Variants in ACCSL observed in about 807,000 individuals in gnomAD.
ACCSL encodes the protein probable inactive 1-aminocyclopropane-1-carboxylate synthase-like protein 2.
A neutral mutation model predicts 61.7 loss-of-function variants in ACCSL; 55 were observed. The ratio of observed to expected loss-of-function variants is 0.89; its 90% CI spans 0.72 to 1.12. The LOEUF is 1.12. ACCSL is among the 50% of genes most tolerant of loss of function. The probability of loss-of-function intolerance (pLI) is 0.00; values close to 1 mark genes in which losing one functional copy is unlikely to be tolerated. For synonymous variants in ACCSL, 258 were observed against 264.3 expected, an observed-to-expected ratio of 0.98 and a Z score of 0.23; for missense variants, 632 against 698.0, an observed-to-expected ratio of 0.91 and a Z score of 1.07.
At chr11:43,999,841 C>A in the ACCSL span, among the ~76,000 whole-genome samples, 1 of 126,732 alleles carries the variant, frequency 7.9e-6, no homozygotes, top group African/African-American at 2.8e-5. Flanking sequence ...ATCCACAGAT[C>A]AAAAATATTC....
At chr11:44,014,667 A>G in the ACCSL span, among the ~76,000 whole-genome samples, 127,030 of 152,130 alleles carry the variant, frequency 0.84, 53,142 homozygotes, top group Middle Eastern at 0.87. Flanking sequence ...AGGGGATCGT[A>G]GGGTCCATCT....
the ACCSL span, among the ~76,000 whole-genome samples, chr11:43,984,440 G>A: frequency 6.6e-6 from 1 of 152,158 alleles, no homozygotes; most frequent in Non-Finnish European, 1.5e-5. Context: ...AGGAGACCCA[G>A]ATGAATGGAC....
At chr11:43,986,692 A>G in the ACCSL span, among the ~76,000 whole-genome samples, 1 of 152,208 alleles carries the variant, frequency 6.6e-6, no homozygotes, top group Non-Finnish European at 1.5e-5. Context: ...CAGAGAGACA[A>G]TGAAGACCCA....
chr11:44,049,445 A>AG (rs1952622281), intron 1 of ACCSL, among the ~76,000 whole-genome samples: 1 of 148,502 alleles, frequency 6.7e-6, no homozygotes, highest in African/African-American at 2.5e-5. Flanking sequence ...AAAAAAAAAA[A>AG]GGAATGTTAC....
chr11:43,973,204 T>A, the ACCSL span, among the ~76,000 whole-genome samples: 2 of 152,202 alleles, frequency 1.3e-5, no homozygotes, highest in Non-Finnish European at 2.9e-5. Context: ...ATGAAGCACA[T>A]CTAGTGCCAA....
chr11:44,031,137 A>G, the ACCSL span, among the ~76,000 whole-genome samples: 1 of 152,138 alleles, frequency 6.6e-6, no homozygotes, highest in African/African-American at 2.4e-5. Flanking sequence ...CCTCCGTAAA[A>G]TGGGAATGGT....
the ACCSL span, among the ~76,000 whole-genome samples, chr11:43,933,855 T>C: frequency 6.6e-6 from 1 of 152,252 alleles, no homozygotes; most frequent in Middle Eastern, 3.4e-3. Flanking sequence ...CTGGGACTCA[T>C]CCTGGGAGTC....
the ACCSL span, among the ~76,000 whole-genome samples, chr11:43,983,369 G>A: frequency 0.017 from 2,524 of 152,212 alleles, 81 homozygotes; most frequent in African/African-American, 0.057. Context: ...GTACTCATCC[G>A]GAAATATTTA....
At chr11:43,978,797 T>TTG in the ACCSL span, among the ~76,000 whole-genome samples, 1 of 146,098 alleles carries the variant, frequency 6.8e-6, no homozygotes, top group South Asian at 2.2e-4. Context: ...TTTTTTTTTT[T>TTG]TTTTTTTTTT....
At chr11:44,029,484 G>T in the ACCSL span, among the ~76,000 whole-genome samples, 7 of 152,380 alleles carry the variant, frequency 4.6e-5, no homozygotes, top group East Asian at 1.3e-3. Context: ...CTGGTGCAGA[G>T]TAGGTGCTCA....
At chr11:44,009,004 T>C in the ACCSL span, among the ~76,000 whole-genome samples, 36 of 152,152 alleles carry the variant, frequency 2.4e-4, no homozygotes, top group Non-Finnish European at 2.9e-4. Context: ...CTGTCTCTAC[T>C]GAAAATACAA....
At chr11:43,943,396 C>T in the ACCSL span, 44 of 1,397,122 alleles carry the variant, frequency 3.1e-5, no homozygotes, top group Middle Eastern at 2.1e-4. The surrounding 1 kb of genome is among the most constrained non-coding windows in gnomAD (Gnocchi z 4.8). Context: ...CGCCGCTCCT[C>T]GCGCGCTCGG....
chr11:43,967,263 T>C, the ACCSL span, among the ~76,000 whole-genome samples: 1 of 139,956 alleles, frequency 7.1e-6, no homozygotes, highest in Middle Eastern at 3.7e-3. Context: ...CTGCAACCTC[T>C]GCCTCCCAGG....
the ACCSL span, among the ~76,000 whole-genome samples, chr11:43,952,955 G>A: frequency 4.6e-5 from 7 of 152,212 alleles, no homozygotes; most frequent in African/African-American, 7.2e-5. Flanking sequence ...GGTCCTCATC[G>A]TTGCTGCCAG....
intron 8 of ACCSL, among the ~76,000 whole-genome samples, chr11:44,054,797 G>T (rs1047922427): frequency 6.6e-6 from 1 of 152,088 alleles, no homozygotes; most frequent in Admixed American, 6.5e-5. Context: ...CAGTACTGAG[G>T]GTTGTTGGGA....
chr11:43,983,169 A>G, the ACCSL span, among the ~76,000 whole-genome samples: 1 of 152,160 alleles, frequency 6.6e-6, no homozygotes, highest in Non-Finnish European at 1.5e-5. Context: ...ATTGGAGGTG[A>G]TTGTGTCTCT....
chr11:43,935,910 GC>G, the ACCSL span, among the ~76,000 whole-genome samples: 1 of 152,138 alleles, frequency 6.6e-6, no homozygotes, highest in Non-Finnish European at 1.5e-5. Flanking sequence ...GCTGGGTGAG[GC>G]CATGTAGCCT....
chr11:44,034,283 T>A, the ACCSL span, among the ~76,000 whole-genome samples: 1 of 152,178 alleles, frequency 6.6e-6, no homozygotes, highest in East Asian at 1.9e-4. Flanking sequence ...CAGGTGGGAC[T>A]TGGCATTTGT....
chr11:43,932,972 C>G, the ACCSL span: 2 of 422,764 alleles, frequency 4.7e-6, no homozygotes, highest in Non-Finnish European at 9.4e-6. Context: ...ATAGCAGAGG[C>G]TGGAGGCGCT....
Sources: allele counts gnomAD v4.1 joint callset (sites outside exome capture counted in the v4.1 genomes callset), GRCh38; gene constraint gnomAD v4.1.1; non-coding constraint Gnocchi (gnomAD v3.1); transcripts MANE v1.5; gene names NCBI Gene and HGNC (gene_info 2026-07-23, HGNC 2026-07-21).